The following TSPAN17 variants were observed in gnomAD, a reference collection of about 807,000 sequenced individuals.
TSPAN17 encodes the protein tetraspanin 17.
In TSPAN17, 33 loss-of-function variants were observed where a neutral mutation model predicts 40.5. The observed-to-expected ratio is 0.81, with a 90% CI of 0.62 to 1.09. The LOEUF is 1.09. Among genes scored for constraint, TSPAN17 ranks in the 50% least tolerant of loss-of-function variants. The probability of loss-of-function intolerance (pLI) is 0.00; values close to 1 mark genes in which losing one functional copy is unlikely to be tolerated. For synonymous variants in TSPAN17, 166 were observed against 169.4 expected, an observed-to-expected ratio of 0.98 and a Z score of 0.15; for missense variants, 365 against 416.8, an observed-to-expected ratio of 0.88 and a Z score of 1.08.
At chr5:176,656,670 A>T in intron 6 of TSPAN17, 30 bp from the exon 7 acceptor site, 1 of 1,609,820 alleles carries the variant, frequency 6.2e-7, no homozygotes, top group Non-Finnish European at 8.5e-7. Context: ...AAGGGCAGGT[A>T]GGCTGAGCCT....
intron 1 of TSPAN17, 24 bp downstream of exon 1, chr5:176,647,726 C>A: frequency 6.4e-7 from 1 of 1,564,318 alleles, no homozygotes; most frequent in Non-Finnish European, 8.7e-7. Context: ...CTGCGCCTTG[C>A]CCTGTGCTGG....
intron 4 of TSPAN17, 105 bp downstream of exon 4, chr5:176,653,018 C>A: frequency 7.8e-7 from 1 of 1,285,004 alleles, no homozygotes; most frequent in African/African-American, 1.5e-5. Context: ...CCCACCTGGG[C>A]TAGCGGGCCC....
At chr5:176,652,987 T>TCATTC in intron 4 of TSPAN17, 74 bp downstream of exon 4, 1 of 1,519,166 alleles carries the variant, frequency 6.6e-7, no homozygotes, top group Non-Finnish European at 9.1e-7. Flanking sequence ...GCAAGTTCCC[T>TCATTC]GTGATGGGAC....
intron 3 of TSPAN17, 123 bp from the exon 4 acceptor site, chr5:176,652,620 T>C (rs1468685726): frequency 3.4e-5 from 29 of 849,268 alleles, no homozygotes; most frequent in Non-Finnish European, 1.3e-5. Flanking sequence ...AGGTGGGGGC[T>C]CTGGGCGCCT....
intron 7 of TSPAN17, 25 bp downstream of exon 7, chr5:176,656,841 C>T (rs758395604): frequency 2.5e-6 from 4 of 1,614,174 alleles, no homozygotes; most frequent in Non-Finnish European, 3.4e-6. Context: ...CCACGTGCCC[C>T]TCCCCTTGCC....
chr5:176,653,890 C>A (rs1243194878), intron 4 of TSPAN17: 1 of 152,238 alleles, frequency 6.6e-6, no homozygotes, highest in Non-Finnish European at 1.5e-5. Context: ...TGGGACCTGT[C>A]CTCTCAGGGC....
rs1360965953 is a variant in TSPAN17 at position 176,647,535 on chromosome 5, C to T, written c.-81C>T. On this transcript the variant is annotated 5_prime_UTR_variant, in exon 1 of 9. Transcript: ENST00000508164. ...CGCAGCCGCCCGGCTAGGCCCCGGGCGGCTCTAGCCCAGGGCGGCCCGCGG... is the reference window on the plus strand; with the variant it reads ...CGCAGCCGCCCGGCTAGGCCCCGGGTGGCTCTAGCCCAGGGCGGCCCGCGG... 4 of 1,154,598 alleles carry T rather than the reference C, an allele frequency of 3.5e-6. No individual in the cohort carries two copies. Among genetic ancestry groups the T allele is most frequent in the Admixed American group, 4.0e-5 (1 of 25,242 alleles). 71.5% of individuals were successfully genotyped at this position (1,154,598 alleles called of 1,614,324 possible). A position where few individuals can be genotyped will look rare whatever the true frequency, so the allele number is the denominator to read the frequency against.
At chr5:176,652,942 T>G (rs773934014) in intron 4 of TSPAN17, 29 bp downstream of exon 4, 1 of 1,608,882 alleles carries the variant, frequency 6.2e-7, no homozygotes, top group Admixed American at 1.7e-5. Context: ...CTGGGACACC[T>G]GTAGGAGGCG....
intron 8 of TSPAN17, 29 bp downstream of exon 8, chr5:176,656,985 G>T (rs368228156): frequency 1.4e-5 from 23 of 1,608,500 alleles, no homozygotes; most frequent in Non-Finnish European, 1.9e-5. Context: ...ATGGCCACAT[G>T]CCTGGCCTAC....
At position 176,654,189 on chromosome 5, in the gene TSPAN17, C is replaced by CA; in HGVS notation, c.457-705dup. The CA allele has an allele frequency of 6.5e-6, 1 of 152,746 alleles. No individual in the cohort carries two copies. Among genetic ancestry groups the CA allele is most frequent in the South Asian group, 2.1e-4 (1 of 4,836 alleles). The allele number at this position is 152,746 out of a possible 1,614,324, so 9.5% of individuals were successfully genotyped here. On this transcript the variant is annotated intron_variant, in intron 4 of 8. Transcript: ENST00000508164. The surrounding 1 kb of genome is among the most constrained non-coding windows in gnomAD (Gnocchi z 4.3). ...GGGCATGTGGCAGGCCTGACTCCTC[C>CA]AGCTCTCTGGCTCGGCCACGGGGCC...
At position 176,651,642 on chromosome 5, in the gene TSPAN17, C is replaced by G; in HGVS notation, c.114C>G (p.Ile38Met). The G allele has an allele frequency of 3.1e-6, 5 of 1,613,854 alleles. No individual in the cohort carries two copies. The highest frequency in any genetic ancestry group is 4.2e-6 in the Non-Finnish European group (5 of 1,179,840). Reference protein sequence around the residue: ...FWVLGALFLAIGLWAWGEKGV... With the variant: ...FWVLGALFLAMGLWAWGEKGV... ...TGCTGGGAGCCCTGTTCCTGGCTAT[C>G]GGCCTCTGGGCCTGGGGTGAGAAGG... is the stretch of plus-strand genomic sequence containing the variant. Residue 38 changes from isoleucine (I) to methionine (M), a missense_variant, in exon 2 of 9, where the codon ATC (isoleucine) becomes ATG (methionine). Coordinates refer to ENST00000508164, the MANE Select transcript of TSPAN17 (RefSeq NM_130465.5). This position sits in a 1 kb window ranked among gnomAD's most constrained non-coding sequence, Gnocchi z 4.5.
At position 176,647,558 on chromosome 5, in the gene TSPAN17, C is replaced by T. The variant is rs2113455282; in HGVS notation, c.-58C>T. 3.4e-6 allele frequency: 5 copies of T among 1,478,406 alleles called. No homozygotes were observed. Among genetic ancestry groups the T allele is most frequent in the Admixed American group, 2.1e-5 (1 of 47,296 alleles). The allele number at this position is 1,478,406 out of a possible 1,614,324, so 91.6% of individuals were successfully genotyped here. ...GGCGGCTCTAGCCCAGGGCGGCCCGCGGGGCGCTGGGCCTGGCTCCCGGCT... is the reference window on the plus strand; with the variant it reads ...GGCGGCTCTAGCCCAGGGCGGCCCGTGGGGCGCTGGGCCTGGCTCCCGGCT... On this transcript the variant is annotated 5_prime_UTR_variant, in exon 1 of 9. Transcript: ENST00000508164.
rs1391667145 is a variant in TSPAN17, at chr5:176,647,525, A to G, written c.-91A>G. ...GCCATGAAGCCGCAGCCGCCCGGCT[A>G]GGCCCCGGGCGGCTCTAGCCCAGGG... On this transcript the variant is annotated 5_prime_UTR_variant, in exon 1 of 9. An upstream open reading frame in the 5' UTR loses its in-frame stop. Coordinates refer to ENST00000508164, the MANE Select transcript of TSPAN17 (RefSeq NM_130465.5). 3 of 992,226 alleles carry G rather than the reference A, an allele frequency of 3.0e-6. No homozygotes were observed. The East Asian group carries it at 1.0e-4, about 33-fold the overall frequency. The allele number at this position is 992,226 out of a possible 1,614,324, so 61.5% of individuals were successfully genotyped here. A position where few individuals can be genotyped will look rare whatever the true frequency, so the allele number is the denominator to read the frequency against.
intron 8 of TSPAN17, chr5:176,657,258 C>A: frequency 1.5e-6 from 1 of 657,258 alleles, no homozygotes; most frequent in Non-Finnish European, 2.6e-6. Flanking sequence ...CTAGGAAGGG[C>A]GCAGCTCAGA....
chr5:176,650,146 C>T lies in TSPAN17; in HGVS notation c.88-1470C>T, dbSNP rs1228087552. ...ATGGCGGCGATCAGTGCCGGTGGGTCGTGGAGGTGTTTGCTGCAGGCGGGT... is the reference window on the plus strand; with the variant it reads ...ATGGCGGCGATCAGTGCCGGTGGGTTGTGGAGGTGTTTGCTGCAGGCGGGT... On this transcript the variant is annotated intron_variant, in intron 1 of 8. Coordinates refer to ENST00000508164, the MANE Select transcript of TSPAN17 (RefSeq NM_130465.5). This position sits in a 1 kb window ranked among gnomAD's most constrained non-coding sequence, Gnocchi z 4.0. 6.6e-6 allele frequency among the ~76,000 whole-genome samples: 1 copy of T among 152,086 alleles called. No homozygotes were observed. Among genetic ancestry groups the T allele is most frequent in the Non-Finnish European group, 1.5e-5 (1 of 68,020 alleles).
intron 8 of TSPAN17, 50 bp downstream of exon 8, chr5:176,657,006 G>T (rs762664932): frequency 6.0e-5 from 94 of 1,577,628 alleles, no homozygotes; most frequent in Non-Finnish European, 7.8e-5. Context: ...GCAGGCCTCT[G>T]GGGGGCCCCC....
At position 176,656,880 on chromosome 5, in the gene TSPAN17, T is replaced by A. The variant is rs775916485; in HGVS notation, c.748-15T>A. 14 of 1,614,192 alleles carry A rather than the reference T, an allele frequency of 8.7e-6. 1 individual carries two copies. In the South Asian group the frequency reaches 1.5e-4, roughly 18 times the overall value. ...GCCGCCCTCACTCTCCCCTCACCTG[T>A]CCTCTGTCTTACAGATCTTTGGCAT... On this transcript the variant is annotated splice_polypyrimidine_tract_variant and intron_variant, in intron 7 of 8. Transcript: ENST00000508164.
rs1561915769 is a variant in TSPAN17 at position 176,650,961 on chromosome 5, A to C, written c.88-655A>C. 6.6e-6 allele frequency among the ~76,000 whole-genome samples: 1 copy of C among 152,124 alleles called. No individual in the cohort carries two copies. The highest frequency in any genetic ancestry group is 1.5e-5 in the Non-Finnish European group (1 of 67,996). On this transcript the variant is annotated intron_variant, in intron 1 of 8. Transcript: ENST00000508164. The surrounding 1 kb of genome is among the most constrained non-coding windows in gnomAD (Gnocchi z 4.0). ...AGGCACTTGGACTGCCCCGGTGGGG[A>C]GTCTAGCTGGTGTTCTGAAGGCCCA...
rs767761958 is a variant in TSPAN17 at position 176,656,965 on chromosome 5, G to A, written c.809+9G>A. On this transcript the variant is annotated intron_variant, in intron 8 of 8. Transcript: ENST00000508164. The stretch of plus-strand genomic sequence containing the variant: ...GCAGTGAAAGCCAACTGGTGAGGCC[G>A]CCAGAGGCCATGGCCACATGCCTGG... 81 of 1,611,332 alleles carry A rather than the reference G, an allele frequency of 5.0e-5. No individual in the cohort carries two copies. Among genetic ancestry groups the A allele is most frequent in the Non-Finnish European group, 6.6e-5 (78 of 1,178,380 alleles).
Sources: gnomAD v4.1 joint callset for allele counts (sites outside exome capture counted in the v4.1 genomes callset) on GRCh38, gnomAD v4.1.1 for gene constraint, Gnocchi (gnomAD v3.1) non-coding constraint, MANE v1.5 for transcripts, NCBI Gene and HGNC (gene_info 2026-07-23, HGNC 2026-07-21) for gene names.